The following CTNNA1 variants were observed in gnomAD, a reference collection of about 807,000 sequenced individuals.
CTNNA1 encodes catenin alpha 1.
CTNNA1 carries 37 observed loss-of-function variants against 98.4 expected under a neutral mutation model. That is an observed-to-expected ratio of 0.38 (90% CI 0.29 to 0.49). The LOEUF (loss-of-function observed/expected upper bound fraction) is 0.49, where lower values mean the gene tolerates loss of function less well. Among genes scored for constraint, CTNNA1 ranks in the 20% least tolerant of loss-of-function variants. The pLI, the probability that CTNNA1 is intolerant of heterozygous loss-of-function variation, is 0.95. For missense variants in CTNNA1, 761 were observed against 1,147.2 expected (o/e 0.66, Z 4.86); for synonymous variants, 404 against 413.2 (o/e 0.98, Z 0.27).
At chr5:138,819,325 C>T (rs1223289225) in intron 5 of CTNNA1, among the ~76,000 whole-genome samples, 1 of 152,170 alleles carries the variant, frequency 6.6e-6, no homozygotes. Flanking sequence ...GGGGAGGGAA[C>T]AGCACAGCGA....
chr5:138,803,024 A>T (rs1438127036), intron 3 of CTNNA1, among the ~76,000 whole-genome samples: 1 of 152,044 alleles, frequency 6.6e-6, no homozygotes, highest in African/African-American at 2.4e-5. Context: ...CTGGTCTCAA[A>T]CTCCCTGGGC....
At chr5:138,789,838 A>G (rs1209928705) in intron 3 of CTNNA1, among the ~76,000 whole-genome samples, 1 of 152,240 alleles carries the variant, frequency 6.6e-6, no homozygotes, top group African/African-American at 2.4e-5. Flanking sequence ...CAGGTCCCAT[A>G]TGCTTGAATG....
intron 9 of CTNNA1, 76 bp downstream of exon 9, chr5:138,887,718 CA>C: frequency 7.7e-7 from 1 of 1,306,216 alleles, no homozygotes; most frequent in African/African-American, 1.5e-5. Context: ...ATTATTTAAT[CA>C]GTTAAAATTT....
chr5:138,775,261 A>G (rs562277811), intron 1 of CTNNA1, among the ~76,000 whole-genome samples: 1 of 152,322 alleles, frequency 6.6e-6, no homozygotes, highest in African/African-American at 2.4e-5. Context: ...TATCTGTGAC[A>G]TTTGATGACA....
intron 5 of CTNNA1, among the ~76,000 whole-genome samples, chr5:138,819,697 G>A (rs1403149164): frequency 2.6e-5 from 4 of 152,150 alleles, no homozygotes; most frequent in African/African-American, 7.2e-5. Flanking sequence ...TTCAAGTTGG[G>A]CACTAGTGTG....
At chr5:138,784,453 A>G (rs1336403280) in intron 3 of CTNNA1, among the ~76,000 whole-genome samples, 1 of 152,200 alleles carries the variant, frequency 6.6e-6, no homozygotes, top group Non-Finnish European at 1.5e-5. Context: ...TGGAGATAAC[A>G]TCTCCAATTG....
At chr5:138,929,462 CT>C in intron 14 of CTNNA1, 106 bp downstream of exon 14, 1 of 633,606 alleles carries the variant, frequency 1.6e-6, no homozygotes, top group East Asian at 2.7e-5. Context: ...CCGTTTCTCT[CT>C]CTCTGTCTCT....
chr5:138,805,078 G>T (rs760647068), intron 3 of CTNNA1, among the ~76,000 whole-genome samples: 48 of 152,034 alleles, frequency 3.2e-4, no homozygotes, highest in Non-Finnish European at 4.6e-4. Flanking sequence ...GGTGGGAGAG[G>T]TGTCACACAC....
intron 1 of CTNNA1, among the ~76,000 whole-genome samples, chr5:138,779,588 A>C (rs1046546421): frequency 6.6e-6 from 1 of 151,734 alleles, no homozygotes; most frequent in Non-Finnish European, 1.5e-5. Context: ...GGCTGGTCTC[A>C]AACTCCTGGG....
In CTNNA1 at chr5:138,935,010, T is replaced by C. The variant is rs1766246861; in HGVS notation, c.*921T>C. ...TTTTACACTAACTAACTTTTCCCAA[T>C]AAAGTCCACTATGAAACCACGACAT... On this transcript the variant is annotated 3_prime_UTR_variant, in exon 18 of 18. Coordinates refer to ENST00000302763, the MANE Select transcript of CTNNA1 (RefSeq NM_001903.5). 1 of 152,248 alleles carries C rather than the reference T, an allele frequency of 6.6e-6. No individual in the cohort carries two copies. The highest frequency in any genetic ancestry group is 1.5e-5 in the Non-Finnish European group (1 of 68,038). The allele number at this position is 152,248 out of a possible 1,614,324, so 9.4% of individuals were successfully genotyped here. A position where few individuals can be genotyped will look rare whatever the true frequency, so the allele number is the denominator to read the frequency against.
chr5:138,849,127 A>G (rs937088740), intron 7 of CTNNA1, among the ~76,000 whole-genome samples: 2 of 152,232 alleles, frequency 1.3e-5, no homozygotes, highest in African/African-American at 4.8e-5. Context: ...GCATCTCTGT[A>G]TAAAATTTCT....
At chr5:138,892,746 G>A (rs1755742512) in intron 9 of CTNNA1, among the ~76,000 whole-genome samples, 1 of 152,008 alleles carries the variant, frequency 6.6e-6, no homozygotes, top group Non-Finnish European at 1.5e-5. Flanking sequence ...GCTGAGTGCG[G>A]TGGATCATGC....
At chr5:138,856,901 A>G (rs909210974) in intron 7 of CTNNA1, among the ~76,000 whole-genome samples, 1 of 152,204 alleles carries the variant, frequency 6.6e-6, no homozygotes, top group Admixed American at 6.5e-5. Flanking sequence ...TCTTTTCAGA[A>G]AATAGTTTTA....
chr5:138,872,427 G>A (rs1340845304), intron 7 of CTNNA1: 3 of 152,468 alleles, frequency 2.0e-5, no homozygotes, highest in African/African-American at 7.2e-5. Context: ...TATGGACTTT[G>A]ATAATATCTA....
At chr5:138,884,765 A>G (rs936121107) in intron 7 of CTNNA1, among the ~76,000 whole-genome samples, 4 of 152,126 alleles carry the variant, frequency 2.6e-5, no homozygotes, top group Non-Finnish European at 4.4e-5. Flanking sequence ...TAGTTTTTCA[A>G]GTTTACTTTG....
At chr5:138,929,451 A>G (rs1402508590) in intron 14 of CTNNA1, 95 bp downstream of exon 14, 2 of 668,316 alleles carry the variant, frequency 3.0e-6, no homozygotes, top group Non-Finnish European at 5.4e-6. Context: ...TATTCAGAAC[A>G]CCGTTTCTCT....
At chr5:138,809,897 A>G (rs776579049) in intron 3 of CTNNA1, 141 bp from the exon 4 acceptor site, 195 of 1,218,326 alleles carry the variant, frequency 1.6e-4, no homozygotes, top group Non-Finnish European at 2.1e-4. Context: ...AAGGAACAGC[A>G]AACAACAACA....
chr5:138,826,800 C>T (rs1012180130), intron 6 of CTNNA1, among the ~76,000 whole-genome samples: 53 of 152,260 alleles, frequency 3.5e-4, no homozygotes, highest in Admixed American at 2.4e-3. Flanking sequence ...TGTGCGCACA[C>T]GTGTATATAT....
intron 7 of CTNNA1, among the ~76,000 whole-genome samples, chr5:138,830,810 G>A (rs1035468744): frequency 3.3e-5 from 5 of 152,198 alleles, no homozygotes; most frequent in African/African-American, 1.2e-4. Flanking sequence ...TCTATAGGGG[G>A]TTTAATGGGA....
Sources: gnomAD v4.1 joint callset for allele counts (sites outside exome capture counted in the v4.1 genomes callset) on GRCh38, gnomAD v4.1.1 for gene constraint, MANE v1.5 for transcripts, NCBI Gene and HGNC (gene_info 2026-07-23, HGNC 2026-07-21) for gene names.